The following WARS1 variants were observed in gnomAD, a reference collection of about 807,000 sequenced individuals.
WARS1 encodes the protein tryptophanyl-tRNA synthetase 1.
WARS1 carries 17 observed loss-of-function variants against 47.8 expected under a neutral mutation model. The observed-to-expected ratio is 0.36, with a 90% CI of 0.24 to 0.53. The LOEUF is 0.53. WARS1 is among the 20% of genes least tolerant of loss of function. WARS1 has a pLI of 0.91. For synonymous variants in WARS1, 208 were observed against 228.1 expected, an observed-to-expected ratio of 0.91 and a Z score of 0.79; for missense variants, 434 against 608.0, an observed-to-expected ratio of 0.71 and a Z score of 3.01.
chr14:100,344,193 C>T (rs868416707), intron 7 of WARS1, among the ~76,000 whole-genome samples: 19 of 152,294 alleles, frequency 1.2e-4, no homozygotes, highest in African/African-American at 3.8e-4. Flanking sequence ...CCTCATTCTC[C>T]TGCCTCAGCC....
intron 6 of WARS1, 101 bp downstream of exon 6, chr14:100,353,586 G>C (rs2140001794): frequency 7.3e-7 from 1 of 1,361,630 alleles, no homozygotes; most frequent in African/African-American, 1.5e-5. Context: ...ACATTTACTA[G>C]GCCTTAAGAC....
intron 1 of WARS1, among the ~76,000 whole-genome samples, chr14:100,372,020 C>G (rs569807739): frequency 2.8e-4 from 42 of 152,302 alleles, no homozygotes; most frequent in Middle Eastern, 3.4e-3. Context: ...ATTCCTTCTC[C>G]TTGCTCATCC....
chr14:100,367,510 C>A (rs2140075774), intron 2 of WARS1, among the ~76,000 whole-genome samples: 1 of 147,872 alleles, frequency 6.8e-6, no homozygotes, highest in Non-Finnish European at 1.5e-5. Flanking sequence ...ACTGCTTGAA[C>A]CCAGGAGGCG....
At chr14:100,365,395 C>A in intron 2 of WARS1, 1 of 200,020 alleles carries the variant, frequency 5.0e-6, no homozygotes, top group Non-Finnish European at 1.1e-5. Flanking sequence ...GCCTGGCCAA[C>A]ATGGCAAGAC....
chr14:100,365,728 CTT>C (rs5810993), intron 2 of WARS1, among the ~76,000 whole-genome samples: 19,717 of 141,714 alleles, frequency 0.14, 1,436 homozygotes, highest in African/African-American at 0.21. Context: ...CAGAGATCTT[CTT>C]TTTTTTTTTT....
intron 1 of WARS1, among the ~76,000 whole-genome samples, chr14:100,374,539 G>A (rs1328840113): frequency 6.6e-6 from 1 of 152,212 alleles, no homozygotes; most frequent in Non-Finnish European, 1.5e-5. Flanking sequence ...GGAGTGGAAA[G>A]GACTATAGAA....
intron 7 of WARS1, among the ~76,000 whole-genome samples, chr14:100,344,104 C>G (rs1379998555): frequency 1.3e-5 from 2 of 148,968 alleles, no homozygotes; most frequent in Non-Finnish European, 2.9e-5. Flanking sequence ...CCCTCTCCCT[C>G]TCTTTCCACG....
intron 4 of WARS1, 82 bp downstream of exon 4, chr14:100,360,472 G>T: frequency 9.4e-7 from 1 of 1,062,824 alleles, no homozygotes; most frequent in Non-Finnish European, 1.4e-6. Context: ...GTACCAGGTG[G>T]CTTATGAAGA....
chr14:100,350,399 G>GAAAA (rs56393656), intron 6 of WARS1, among the ~76,000 whole-genome samples: 8,253 of 112,114 alleles, frequency 0.074, 546 homozygotes, highest in African/African-American at 0.081. Flanking sequence ...CTCAAAAAAA[G>GAAAA]AAAAAAAAAA....
Position 100,334,830 on chromosome 14 carries a change from A to G in WARS1, c.*45T>C, listed in dbSNP as rs376009064. 3.1e-6 allele frequency: 5 copies of G among 1,602,488 alleles called. No homozygotes were observed. Among genetic ancestry groups the G allele is most frequent in the Non-Finnish European group, 4.3e-6 (5 of 1,172,676 alleles). ...TTGACTGGGCTGGGATTATTGATAC[A>G]TTACTGATACATCACTTCTTTTATA... On this transcript the variant is annotated 3_prime_UTR_variant, in exon 11 of 11. Transcript: ENST00000392882.
intron 7 of WARS1, among the ~76,000 whole-genome samples, chr14:100,344,112 ACG>A (rs1272602950): frequency 2.0e-3 from 302 of 151,198 alleles, no homozygotes; most frequent in African/African-American, 6.4e-3. Context: ...CTCTCTTTCC[ACG>A]GTCTCCCTCT....
intron 1 of WARS1, chr14:100,374,746 A>G (rs1169267860): frequency 1.3e-5 from 2 of 152,168 alleles, no homozygotes; most frequent in Admixed American, 6.5e-5. Context: ...CATCCTTTCT[A>G]TCTTGGCCCC....
chr14:100,351,499 C>CAA (rs71464656), intron 6 of WARS1, among the ~76,000 whole-genome samples: 1 of 115,092 alleles, frequency 8.7e-6, no homozygotes, highest in Non-Finnish European at 1.8e-5. Context: ...GACTCTGTCT[C>CAA]AAAAAAAAAA....
At chr14:100,366,913 G>A (rs1896033810) in intron 2 of WARS1, 17 of 1,608,304 alleles carry the variant, frequency 1.1e-5, no homozygotes, top group Admixed American at 6.7e-5. Context: ...AAGATAAGAA[G>A]CATCACTGAA....
At chr14:100,364,139 T>C (rs1020214464) in intron 2 of WARS1, among the ~76,000 whole-genome samples, 6 of 152,216 alleles carry the variant, frequency 3.9e-5, no homozygotes, top group Non-Finnish European at 8.8e-5. Context: ...CTTGTGCTTA[T>C]GATCAGCATG....
At chr14:100,362,299 A>C (rs1231811872) in intron 2 of WARS1, among the ~76,000 whole-genome samples, 1 of 152,220 alleles carries the variant, frequency 6.6e-6, no homozygotes, top group East Asian at 1.9e-4. Flanking sequence ...GTGTGTGACA[A>C]GCTCCTTTAA....
intron 7 of WARS1, among the ~76,000 whole-genome samples, chr14:100,344,814 CCTGT>C (rs970078198): frequency 4.6e-5 from 7 of 151,830 alleles, no homozygotes; most frequent in South Asian, 2.1e-4. Flanking sequence ...GCCCGGCCGC[CCTGT>C]CTGAGAAGTG....
Position 100,371,447 on chromosome 14 carries a change from C to CAAAAAAAAAAAAAAAA in WARS1, c.-73-2205_-73-2190dup, listed in dbSNP as rs60977618. ...CCTGGGTGACAGAAAGGTTCTGTCT[C>CAAAAAAAAAAAAAAAA]AAAAAAAAAAAAAAAAAAAAGTAGG... is the stretch of plus-strand genomic sequence containing the variant. On this transcript the variant is annotated intron_variant, in intron 1 of 10. Coordinates refer to ENST00000392882, the MANE Select transcript of WARS1 (RefSeq NM_004184.4). Among the ~76,000 whole-genome samples, 21 of 89,120 alleles carry CAAAAAAAAAAAAAAAA rather than the reference C, an allele frequency of 2.4e-4. 1 individual carries two copies. The highest frequency in any genetic ancestry group is 5.2e-4 in the Non-Finnish European group (18 of 34,702). The allele number at this position is 89,120 out of a possible 152,430, so 58.5% of individuals were successfully genotyped here.
chr14:100,371,916 G>T (rs976811809), intron 1 of WARS1, among the ~76,000 whole-genome samples: 2 of 152,116 alleles, frequency 1.3e-5, no homozygotes. Context: ...TGACCGGCAC[G>T]TACACATCCA....
Sources: allele counts gnomAD v4.1 joint callset (sites outside exome capture counted in the v4.1 genomes callset), GRCh38; gene constraint gnomAD v4.1.1; transcripts MANE v1.5; gene names NCBI Gene and HGNC (gene_info 2026-07-23, HGNC 2026-07-21).